The following ENPP2 variants were observed in gnomAD, a reference collection of about 807,000 sequenced individuals.
The protein encoded by ENPP2 is autotaxin.
In ENPP2, 51 loss-of-function variants were observed where a neutral mutation model predicts 120.2. The observed-to-expected ratio is 0.42, with a 90% CI of 0.34 to 0.54. ENPP2 has a LOEUF of 0.54. ENPP2 is among the 20% of genes least tolerant of loss of function. The pLI is 0.04. For synonymous variants in ENPP2, 365 were observed against 366.4 expected (o/e 1.00, Z 0.04); for missense variants, 920 against 1,066.5 (o/e 0.86, Z 1.91).
chr8:119,559,153 A>G (rs547355692), intron 24 of ENPP2, among the ~76,000 whole-genome samples: 1 of 152,294 alleles, frequency 6.6e-6, no homozygotes, highest in South Asian at 2.1e-4. Context: ...AGACCTAAAT[A>G]TAACTCTACC....
chr8:119,600,221 C>A (rs184423412), intron 11 of ENPP2, among the ~76,000 whole-genome samples: 1 of 152,168 alleles, frequency 6.6e-6, no homozygotes, highest in Admixed American at 6.5e-5. Flanking sequence ...TGTATTATAT[C>A]TGCCAAGGTT....
intron 12 of ENPP2, among the ~76,000 whole-genome samples, chr8:119,592,472 T>TA (rs1813580061): frequency 2.6e-5 from 1 of 39,214 alleles, no homozygotes; most frequent in African/African-American, 1.6e-4. Context: ...AAACTCCACC[T>TA]CAAAAAAAAA....
chr8:119,590,650 G>A lies in ENPP2; in HGVS notation c.1082-20C>T. ...CCATTCCTATGGGGAGGGAGAAAAA[G>A]AATATTTTCAGGCAAGACTAAAACG... On this transcript the variant is annotated intron_variant, in intron 12 of 24. Transcript: ENST00000075322. 3 of 1,475,616 alleles carry A rather than the reference G, an allele frequency of 2.0e-6. No homozygotes were observed. Among genetic ancestry groups the A allele is most frequent in the South Asian group, 1.4e-5 (1 of 70,990 alleles). The allele number at this position is 1,475,616 out of a possible 1,614,324, so 91.4% of individuals were successfully genotyped here. A position where few individuals can be genotyped will look rare whatever the true frequency, so the allele number is the denominator to read the frequency against.
intron 3 of ENPP2, among the ~76,000 whole-genome samples, chr8:119,622,650 C>A (rs955264322): frequency 6.6e-6 from 1 of 152,138 alleles, no homozygotes; most frequent in Admixed American, 6.5e-5. Flanking sequence ...TGGGAGACTG[C>A]GCCTGGCACA....
At chr8:119,605,181 C>T (rs1814616631) in intron 9 of ENPP2, among the ~76,000 whole-genome samples, 1 of 152,058 alleles carries the variant, frequency 6.6e-6, no homozygotes, top group African/African-American at 2.4e-5. Flanking sequence ...TGGTGATCCT[C>T]CCACCTCAGT....
chr8:119,633,672 C>T (rs1816819343), intron 2 of ENPP2, among the ~76,000 whole-genome samples: 1 of 152,126 alleles, frequency 6.6e-6, no homozygotes, highest in African/African-American at 2.4e-5. Flanking sequence ...ATTGATGCTT[C>T]TGACCTCATT....
At chr8:119,567,335 T>C (rs537453353) in intron 22 of ENPP2, among the ~76,000 whole-genome samples, 1 of 152,272 alleles carries the variant, frequency 6.6e-6, no homozygotes, top group African/African-American at 2.4e-5. Flanking sequence ...AAACAAAAAA[T>C]GCAGTGCTTT....
intron 23 of ENPP2, among the ~76,000 whole-genome samples, chr8:119,563,289 T>C (rs1346327431): frequency 6.6e-6 from 1 of 152,120 alleles, no homozygotes; most frequent in East Asian, 1.9e-4. Context: ...TAATGGTGAA[T>C]AGACCAATGC....
chr8:119,562,902 G>A lies in ENPP2; in HGVS notation c.2376C>T (p.Ser792=), dbSNP rs1187225422. The stretch of plus-strand genomic sequence containing the variant: ...CAGGCCGGTGAGGCAGGATGAAGGA[G>A]GACACAGAGAGAGGGCCGTCACACT... ...ADKCDGPLSV[S]SFILPHRPDN... Residue 792 remains serine, a synonymous_variant, in exon 24 of 25, where the codon TCC becomes TCT. Coordinates refer to ENST00000075322, the MANE Select transcript of ENPP2 (RefSeq NM_001040092.3). The A allele has an allele frequency of 1.9e-6, 3 of 1,614,196 alleles. No homozygotes were observed. Among genetic ancestry groups the A allele is most frequent in the East Asian group, 2.2e-5 (1 of 44,890 alleles).
At chr8:119,577,762 G>A (rs547543116) in intron 19 of ENPP2, among the ~76,000 whole-genome samples, 3 of 152,304 alleles carry the variant, frequency 2.0e-5, no homozygotes, top group East Asian at 3.9e-4. Context: ...GTACAGTTGT[G>A]TCAGAGTAAC....
In ENPP2 at chr8:119,562,923, A is replaced by G. The variant is rs1814090471; in HGVS notation, c.2355T>C (p.Cys785=). Reference sequence around the variant, plus strand: ...AGGAGGACACAGAGAGAGGGCCGTCACACTTGTCGGCAGGCTGAGTGAAAT... The same window carrying G: ...AGGAGGACACAGAGAGAGGGCCGTCGCACTTGTCGGCAGGCTGAGTGAAAT... ...CLDFTQPADK[C]DGPLSVSSFI... Residue 785 remains cysteine (C), a synonymous_variant, in exon 24 of 25, where the codon TGT becomes TGC. Coordinates refer to ENST00000075322, the MANE Select transcript of ENPP2 (RefSeq NM_001040092.3). 1.2e-6 allele frequency: 2 copies of G among 1,614,046 alleles called. No homozygotes were observed. The highest frequency in any genetic ancestry group is 1.7e-5 in the Admixed American group (1 of 59,990).
chr8:119,565,475 T>C (rs1814340059), intron 22 of ENPP2, among the ~76,000 whole-genome samples: 2 of 152,190 alleles, frequency 1.3e-5, no homozygotes, highest in Admixed American at 1.3e-4. Context: ...AATATTCATG[T>C]CAAGCAAAAG....
chr8:119,609,340 T>C (rs1273788071), intron 8 of ENPP2, among the ~76,000 whole-genome samples: 3 of 152,072 alleles, frequency 2.0e-5, no homozygotes, highest in Non-Finnish European at 4.4e-5. Context: ...AGTCTGTGGG[T>C]TCTGAGCTGC....
chr8:119,629,245 ATATG>A (rs1377983627), intron 2 of ENPP2, among the ~76,000 whole-genome samples: 1 of 152,120 alleles, frequency 6.6e-6, no homozygotes, highest in Admixed American at 6.6e-5. Context: ...ACCATATAAT[ATATG>A]TGTGTGTGGG....
rs1412444833 is a variant in ENPP2, at chr8:119,644,603, TATATATATATATATATATATATAC to T, written c.22-6100_22-6077del. ...GATTACTAAAATATATATATATATA[TATATATATATATATATATATATAC>T]ACACACACACACACACACACATATA... On this transcript the variant is annotated intron_variant, in intron 1 of 25. Transcript: ENST00000427067. 2.4e-4 allele frequency among the ~76,000 whole-genome samples: 23 copies of T among 95,686 alleles called. 1 individual carries two copies. Among genetic ancestry groups the T allele is most frequent in the Admixed American group, 5.3e-4 (5 of 9,348 alleles). 62.8% of individuals were successfully genotyped at this position (95,686 alleles called of 152,430 possible). A position where few individuals can be genotyped will look rare whatever the true frequency, so the allele number is the denominator to read the frequency against.
At position 119,626,703 on chromosome 8, in the gene ENPP2, A is replaced by G; in HGVS notation, c.154T>C (p.Trp52Arg). 3 of 1,614,058 alleles carry G rather than the reference A, an allele frequency of 1.9e-6. No homozygotes were observed. The highest frequency in any genetic ancestry group is 1.7e-6 in the Non-Finnish European group (2 of 1,179,944). The change falls in exon 3 of 25, where the codon TGG becomes CGG. Residue 52 changes from tryptophan to arginine, a missense_variant. Trp to Arg is a moderately radical substitution (Grantham distance 101, BLOSUM62 -3). Transcript: ENST00000075322. ...GPPTVLSDSPWTNISGSCKGR... is the reference protein window; with the variant it reads ...GPPTVLSDSPRTNISGSCKGR... ...TTGCAAGATCCGGAGATGTTGGTCCAGGGGGAGTCTGATAGCACTGCAAAG... is the reference window on the plus strand; with the variant it reads ...TTGCAAGATCCGGAGATGTTGGTCCGGGGGGAGTCTGATAGCACTGCAAAG...
At chr8:119,566,826 T>C (rs1389981797) in intron 22 of ENPP2, among the ~76,000 whole-genome samples, 1 of 152,234 alleles carries the variant, frequency 6.6e-6, no homozygotes, top group East Asian at 1.9e-4. Flanking sequence ...TAAATGTAAC[T>C]ATGTGAGTTT....
intron 9 of ENPP2, 66 bp downstream of exon 9, chr8:119,607,856 T>C (rs1814830251): frequency 6.3e-6 from 6 of 959,014 alleles, no homozygotes; most frequent in Non-Finnish European, 9.6e-6. Flanking sequence ...AAAACTTAAA[T>C]TGATGTTTTA....
At chr8:119,565,499 C>T (rs1406615036) in intron 22 of ENPP2, among the ~76,000 whole-genome samples, 2 of 152,154 alleles carry the variant, frequency 1.3e-5, no homozygotes, top group Non-Finnish European at 2.9e-5. Flanking sequence ...TTTAATGTTC[C>T]TTCCTAATCC....
Sources: gnomAD v4.1 joint callset for allele counts (sites outside exome capture counted in the v4.1 genomes callset) on GRCh38, gnomAD v4.1.1 for gene constraint, MANE v1.5 for transcripts, NCBI Gene and HGNC (gene_info 2026-07-23, HGNC 2026-07-21) for gene names.